Variants in SCFD2 observed in about 807,000 individuals in gnomAD.
SCFD2 encodes sec1 family domain-containing protein 2.
SCFD2 carries 54 observed loss-of-function variants against 58.9 expected under a neutral mutation model. The ratio of observed to expected loss-of-function variants is 0.92; its 90% CI spans 0.74 to 1.15. The LOEUF (loss-of-function observed/expected upper bound fraction) is 1.15. Among genes scored for constraint, SCFD2 ranks in the 50% most tolerant of loss-of-function variants. SCFD2 has a pLI of 0.00. For synonymous variants in SCFD2, 321 were observed against 335.9 expected (o/e 0.96, Z 0.49); for missense variants, 805 against 836.6 (o/e 0.96, Z 0.47).
intron 4 of SCFD2, among the ~76,000 whole-genome samples, chr4:53,182,219 A>C (rs1249105109): frequency 6.6e-6 from 1 of 152,210 alleles, no homozygotes; most frequent in Non-Finnish European, 1.5e-5. Flanking sequence ...AAAAGAACAA[A>C]GCTGGAGGCA....
In SCFD2 at chr4:53,313,658, G is replaced by A; in HGVS notation, c.1113C>T (p.Asn371=). Residue 371 remains asparagine, a synonymous_variant, in exon 3 of 9, where the codon AAC becomes AAT. Transcript: ENST00000401642. ...RHLVEAASRE[N]LPIKMSMGRV... The stretch of plus-strand genomic sequence containing the variant: ...TACCCATACTCATCTTGATTGGCAG[G>A]TTTTCTCTGCTTGCCGCTTCCACTA... The A allele has an allele frequency of 6.2e-7, 1 of 1,613,948 alleles. No homozygotes were observed. The highest frequency in any genetic ancestry group is 8.5e-7 in the Non-Finnish European group (1 of 1,179,896).
chr4:53,309,807 C>G (rs1047725926), intron 3 of SCFD2, among the ~76,000 whole-genome samples: 5 of 152,156 alleles, frequency 3.3e-5, no homozygotes, highest in African/African-American at 1.2e-4. Flanking sequence ...GTTTCCCGTG[C>G]AGATGTTCCC....
chr4:52,916,523 G>A (rs748817997), intron 6 of SCFD2, among the ~76,000 whole-genome samples: 2 of 152,196 alleles, frequency 1.3e-5, no homozygotes, highest in Non-Finnish European at 2.9e-5. Flanking sequence ...GCAGTGAGCC[G>A]AGATTGCGCC....
intron 5 of SCFD2, among the ~76,000 whole-genome samples, chr4:53,121,320 C>T (rs1725471644): frequency 6.6e-6 from 1 of 152,180 alleles, no homozygotes; most frequent in Non-Finnish European, 1.5e-5. Context: ...TTCTAAGGGG[C>T]AACCATGATT....
intron 3 of SCFD2, among the ~76,000 whole-genome samples, chr4:53,279,073 G>A (rs913216335): frequency 4.6e-5 from 7 of 151,920 alleles, no homozygotes; most frequent in South Asian, 2.1e-4. Flanking sequence ...AAAAAGTAAT[G>A]GACAGAATAT....
chr4:53,309,754 T>G (rs777684524), intron 3 of SCFD2, among the ~76,000 whole-genome samples: 3 of 152,216 alleles, frequency 2.0e-5, no homozygotes, highest in Non-Finnish European at 2.9e-5. Context: ...TAACTTGATC[T>G]GTTTGCTTTG....
At chr4:52,905,746 G>C (rs1221408766) in intron 7 of SCFD2, among the ~76,000 whole-genome samples, 1 of 152,094 alleles carries the variant, frequency 6.6e-6, no homozygotes, top group Non-Finnish European at 1.5e-5. Flanking sequence ...GGACAGTGGA[G>C]CAGGAAGAGA....
chr4:52,994,872 C>G (rs1721707255), intron 5 of SCFD2, among the ~76,000 whole-genome samples: 1 of 152,058 alleles, frequency 6.6e-6, no homozygotes, highest in Admixed American at 6.6e-5. Flanking sequence ...AAAAAAAAGC[C>G]TTGCAAACAC....
intron 1 of SCFD2, among the ~76,000 whole-genome samples, chr4:53,364,420 T>A (rs1237912712): frequency 6.6e-6 from 1 of 152,194 alleles, no homozygotes; most frequent in African/African-American, 2.4e-5. Context: ...AAATAACATA[T>A]CAAACATCAG....
rs555222286 is a variant in SCFD2 at position 53,249,717 on chromosome 4, A to T, written c.1311+24109T>A. Among the ~76,000 whole-genome samples, 506 of 152,278 alleles carry T rather than the reference A, an allele frequency of 3.3e-3. 3 individuals carry two copies. Among genetic ancestry groups the T allele is most frequent in the African/African-American group, 0.012 (484 of 41,550 alleles). Reference sequence around the variant, plus strand: ...ATCCAGCCAAACTAACCTTCATAAGAGAAGGAGAAATAAAATACAGACAAG... The same window carrying T: ...ATCCAGCCAAACTAACCTTCATAAGTGAAGGAGAAATAAAATACAGACAAG... On this transcript the variant is annotated intron_variant, in intron 4 of 8. Transcript: ENST00000401642.
chr4:53,168,574 G>A (rs546072552), intron 4 of SCFD2, among the ~76,000 whole-genome samples: 80 of 152,044 alleles, frequency 5.3e-4, no homozygotes, highest in African/African-American at 1.2e-3. Context: ...TAATTAAGTC[G>A]GAAATAGGAC....
chr4:52,974,233 C>T (rs933359802), intron 5 of SCFD2, among the ~76,000 whole-genome samples: 2 of 152,102 alleles, frequency 1.3e-5, no homozygotes, highest in Non-Finnish European at 2.9e-5. Flanking sequence ...TCAAATTGTC[C>T]CTGTTTGCAG....
At chr4:53,013,267 A>T (rs914958945) in intron 5 of SCFD2, among the ~76,000 whole-genome samples, 2 of 152,238 alleles carry the variant, frequency 1.3e-5, no homozygotes, top group African/African-American at 4.8e-5. Flanking sequence ...AAGTACTGGT[A>T]AATACAGCTA....
At chr4:53,333,501 A>G (rs1341857831) in intron 2 of SCFD2, among the ~76,000 whole-genome samples, 2 of 150,866 alleles carry the variant, frequency 1.3e-5, no homozygotes, top group Non-Finnish European at 3.0e-5. Context: ...CAATGGGGAA[A>G]GGATTCCCTA....
chr4:53,327,744 G>A (rs986265582), intron 2 of SCFD2, among the ~76,000 whole-genome samples: 23 of 152,282 alleles, frequency 1.5e-4, no homozygotes, highest in African/African-American at 5.5e-4. Flanking sequence ...TCAAGAAGTA[G>A]TTACAAATAT....
intron 4 of SCFD2, among the ~76,000 whole-genome samples, chr4:53,245,360 A>G (rs1447106744): frequency 2.6e-5 from 4 of 152,174 alleles, no homozygotes; most frequent in African/African-American, 7.2e-5. Flanking sequence ...AATCCTCAAC[A>G]AAACGCTAGC....
chr4:53,275,089 C>G (rs999769401), intron 3 of SCFD2, among the ~76,000 whole-genome samples: 1 of 152,324 alleles, frequency 6.6e-6, no homozygotes. Flanking sequence ...TTTACTGATT[C>G]TCATGGCAAC....
chr4:53,020,365 A>T (rs1414270785), intron 5 of SCFD2, among the ~76,000 whole-genome samples: 1 of 152,204 alleles, frequency 6.6e-6, no homozygotes, highest in Non-Finnish European at 1.5e-5. Context: ...GTTTCAGAAC[A>T]ACTTTGCAAC....
At chr4:53,023,745 G>A (rs973572369) in intron 5 of SCFD2, among the ~76,000 whole-genome samples, 10 of 152,056 alleles carry the variant, frequency 6.6e-5, no homozygotes, top group African/African-American at 2.2e-4. Context: ...TGCTTTGGAC[G>A]TCTTTTGGAA....
Sources: gnomAD v4.1 joint callset for allele counts (sites outside exome capture counted in the v4.1 genomes callset) on GRCh38, gnomAD v4.1.1 for gene constraint, MANE v1.5 for transcripts, NCBI Gene and HGNC (gene_info 2026-07-23, HGNC 2026-07-21) for gene names.